The following DACH2 variants were observed in gnomAD, a reference collection of about 807,000 sequenced individuals.
DACH2 encodes the protein dachshund homolog 2.
In DACH2, 17 loss-of-function variants were observed where a neutral mutation model predicts 35.8. The observed-to-expected ratio is 0.48, with a 90% CI of 0.33 to 0.71. The LOEUF is 0.71. Ranked by LOEUF, DACH2 falls within the 30% of genes least tolerant of loss-of-function variation. The pLI is 0.02. For missense variants in DACH2, 469 were observed against 472.7 expected (o/e 0.99, Z 0.07); for synonymous variants, 195 against 177.3 (o/e 1.10, Z -0.79).
At chrX:86,810,276 A>T (rs1207033165) in intron 7 of DACH2, among the ~76,000 whole-genome samples, 1 of 111,608 alleles carries the variant, frequency 9.0e-6, no homozygotes, top group East Asian at 2.8e-4. Context: ...CTTTTCAGCT[A>T]TCTTGTTTGT....
At chrX:86,703,986 T>C (rs188738146) in intron 5 of DACH2, among the ~76,000 whole-genome samples, 422 of 112,148 alleles carry the variant, frequency 3.8e-3, no homozygotes, top group Non-Finnish European at 5.7e-3. Flanking sequence ...AAAATTGGCC[T>C]GAATAGCCAA....
intron 1 of DACH2, among the ~76,000 whole-genome samples, chrX:86,295,800 G>C (rs949455965): frequency 9.1e-6 from 1 of 110,315 alleles, no homozygotes; most frequent in Admixed American, 9.6e-5. Flanking sequence ...GAGCCAGGGG[G>C]ATTTGGGAGG....
At chrX:86,200,440 C>G (rs2032119125) in intron 1 of DACH2, among the ~76,000 whole-genome samples, 1 of 110,165 alleles carries the variant, frequency 9.1e-6, no homozygotes, top group Non-Finnish European at 1.9e-5. Flanking sequence ...CAAATAGAAC[C>G]TAATTAAGTT....
chrX:86,746,614 T>A (rs2041714858), intron 7 of DACH2, among the ~76,000 whole-genome samples: 2 of 111,868 alleles, frequency 1.8e-5, no homozygotes, highest in African/African-American at 6.5e-5. Flanking sequence ...TTATTTATTT[T>A]ATTTAATTTA....
At chrX:86,245,304 C>T (rs2033255135) in intron 1 of DACH2, among the ~76,000 whole-genome samples, 2 of 111,671 alleles carry the variant, frequency 1.8e-5, no homozygotes, top group Non-Finnish European at 3.8e-5. Context: ...TTGCATTCCC[C>T]ACCACCCTGA....
chrX:86,730,283 A>G (rs2041518351), intron 6 of DACH2, among the ~76,000 whole-genome samples: 1 of 112,197 alleles, frequency 8.9e-6, no homozygotes, highest in Admixed American at 9.5e-5. Flanking sequence ...AGCATTTAGC[A>G]TTTCTAAACA....
intron 3 of DACH2, among the ~76,000 whole-genome samples, chrX:86,547,151 C>T (rs939411548): frequency 2.5e-4 from 28 of 110,967 alleles, no homozygotes; most frequent in Non-Finnish European, 4.3e-4. Context: ...TTGTTTTGTC[C>T]GAAGCCCCTT....
At chrX:86,423,834 G>C (rs1004332529) in intron 2 of DACH2, among the ~76,000 whole-genome samples, 2 of 110,498 alleles carry the variant, frequency 1.8e-5, no homozygotes, top group Non-Finnish European at 3.8e-5. Context: ...TTTGATTTTT[G>C]TATCAAATCA....
At chrX:86,735,149 T>A (rs958817192) in intron 6 of DACH2, among the ~76,000 whole-genome samples, 6 of 111,940 alleles carry the variant, frequency 5.4e-5, no homozygotes, top group African/African-American at 1.9e-4. Flanking sequence ...CAGTTGTTTT[T>A]AAAAGGCAAT....
chrX:86,411,219 G>T (rs2036609644), intron 2 of DACH2, among the ~76,000 whole-genome samples: 1 of 105,817 alleles, frequency 9.5e-6, no homozygotes, highest in African/African-American at 3.4e-5. Context: ...GATGTAGGCT[G>T]GGAGGCTAGG....
intron 4 of DACH2, among the ~76,000 whole-genome samples, chrX:86,654,925 A>G (rs747148119): frequency 8.9e-6 from 1 of 111,835 alleles, no homozygotes; most frequent in Non-Finnish European, 1.9e-5. Context: ...ATAAATGATC[A>G]TTTGTAAATG....
At chrX:86,437,939 T>G (rs2037094881) in intron 2 of DACH2, among the ~76,000 whole-genome samples, 1 of 109,845 alleles carries the variant, frequency 9.1e-6, no homozygotes, top group Non-Finnish European at 1.9e-5. Flanking sequence ...ATATGTAAAC[T>G]CATGTCCTGG....
At chrX:86,190,678 C>CCTGTAA (rs1181030151) in intron 1 of DACH2, among the ~76,000 whole-genome samples, 5 of 112,298 alleles carry the variant, frequency 4.5e-5, no homozygotes, top group Non-Finnish European at 9.4e-5. Flanking sequence ...GGCGCGGTGG[C>CCTGTAA]TCACGCCTGT....
intron 1 of DACH2, among the ~76,000 whole-genome samples, chrX:86,306,609 C>T (rs1420900148): frequency 1.8e-5 from 2 of 111,707 alleles, no homozygotes; most frequent in African/African-American, 3.3e-5. Context: ...AAAGGCAAGA[C>T]GACCCTAGCC....
chrX:86,713,010 T>C (rs755208943), intron 5 of DACH2, among the ~76,000 whole-genome samples: 3 of 111,613 alleles, frequency 2.7e-5, no homozygotes, highest in Non-Finnish European at 5.7e-5. Flanking sequence ...GTTTTCTTTA[T>C]TTAGGAATTC....
In DACH2 at chrX:86,346,310, C is replaced by A. The variant is rs1049103959; in HGVS notation, c.489-30514C>A. On this transcript the variant is annotated intron_variant, in intron 1 of 11. Coordinates refer to ENST00000373125, the MANE Select transcript of DACH2 (RefSeq NM_053281.3). ...TACATTTTTTTTTTTTAGCAAAAACCAAATAATTTAGTGTTAATTGCATTG... is the reference window on the plus strand; with the variant it reads ...TACATTTTTTTTTTTTAGCAAAAACAAAATAATTTAGTGTTAATTGCATTG... Among the ~76,000 whole-genome samples, 12 of 108,315 alleles carry A rather than the reference C, an allele frequency of 1.1e-4. No individual in the cohort carries two copies. In the East Asian group the frequency reaches 3.5e-3, roughly 32 times the overall value. The allele number at this position is 108,315 out of a possible 115,157, so 94.1% of individuals were successfully genotyped here. A position where few individuals can be genotyped will look rare whatever the true frequency, so the allele number is the denominator to read the frequency against.
chrX:86,372,832 C>T (rs746742246), intron 1 of DACH2, among the ~76,000 whole-genome samples: 13 of 110,875 alleles, frequency 1.2e-4, no homozygotes, highest in Admixed American at 8.7e-4. Context: ...TTCCTCTCCC[C>T]TACGTCTAGT....
chrX:86,519,868 ATTT>A (rs2038526996), intron 3 of DACH2, among the ~76,000 whole-genome samples: 1 of 64,841 alleles, frequency 1.5e-5, no homozygotes, highest in African/African-American at 6.2e-5. Flanking sequence ...TATCTTTTGA[ATTT>A]TTGTTGTTGT....
At chrX:86,723,975 CT>C (rs1342667694) in intron 6 of DACH2, among the ~76,000 whole-genome samples, 16 of 110,105 alleles carry the variant, frequency 1.5e-4, no homozygotes, top group Non-Finnish European at 2.5e-4. Context: ...CATGAAATAT[CT>C]TTTTTTTCAC....
Sources: gnomAD v4.1 joint callset for allele counts (sites outside exome capture counted in the v4.1 genomes callset) on GRCh38, gnomAD v4.1.1 for gene constraint, MANE v1.5 for transcripts, NCBI Gene and HGNC (gene_info 2026-07-23, HGNC 2026-07-21) for gene names.